Variants in ABLIM2 observed in about 807,000 individuals in gnomAD.
ABLIM2 encodes the protein actin-binding LIM protein 2.
Under a neutral mutation model 97.7 loss-of-function variants are expected in ABLIM2, and 53 were observed. That is an observed-to-expected ratio of 0.54 (90% CI 0.44 to 0.68). The LOEUF is 0.68. Among genes scored for constraint, ABLIM2 ranks in the 30% least tolerant of loss-of-function variants. ABLIM2 has a pLI of 0.00. For synonymous variants in ABLIM2, 361 were observed against 345.8 expected, an observed-to-expected ratio of 1.04 and a Z score of -0.49; for missense variants, 835 against 867.2, an observed-to-expected ratio of 0.96 and a Z score of 0.47.
intron 2 of ABLIM2, among the ~76,000 whole-genome samples, chr4:8,105,580 G>A (rs944025087): frequency 3.2e-4 from 49 of 152,222 alleles, no homozygotes; most frequent in African/African-American, 1.1e-3. Context: ...AAAGCAAACC[G>A]TCAGCGCACT....
chr4:8,132,263 A>C lies in ABLIM2; in HGVS notation c.11-25626T>G, dbSNP rs905051670. Reference sequence around the variant, plus strand: ...CTGACAGCCCAGCGCTGTGGCTGCCACCCATCACGGGGGCATGGATGGGGT... The same window carrying C: ...CTGACAGCCCAGCGCTGTGGCTGCCCCCCATCACGGGGGCATGGATGGGGT... On this transcript the variant is annotated intron_variant, in intron 1 of 20. Transcript: ENST00000447017. This position sits in a 1 kb window ranked among gnomAD's most constrained non-coding sequence, Gnocchi z 8.0. 6.6e-6 allele frequency among the ~76,000 whole-genome samples: 1 copy of C among 151,660 alleles called. No individual in the cohort carries two copies. The highest frequency in any genetic ancestry group is 1.5e-5 in the Non-Finnish European group (1 of 67,916).
At chr4:8,026,384 C>A (rs1047142509) in intron 12 of ABLIM2, among the ~76,000 whole-genome samples, 1 of 152,208 alleles carries the variant, frequency 6.6e-6, no homozygotes. Flanking sequence ...ACGGCCATGT[C>A]CATCAATGGC....
At chr4:8,010,780 T>C (rs999671930) in intron 14 of ABLIM2, 6 of 177,822 alleles carry the variant, frequency 3.4e-5, no homozygotes, top group African/African-American at 4.8e-5. Flanking sequence ...GGGGGACGCA[T>C]GCCCGCAGCT....
intron 15 of ABLIM2, among the ~76,000 whole-genome samples, chr4:8,008,761 A>T (rs143030141): frequency 7.9e-5 from 12 of 152,302 alleles, no homozygotes; most frequent in Admixed American, 2.0e-4. Context: ...AGAATAATGG[A>T]TGCCCCAGGG....
At chr4:8,037,577 A>G (rs2151488806) in intron 9 of ABLIM2, among the ~76,000 whole-genome samples, 1 of 152,118 alleles carries the variant, frequency 6.6e-6, no homozygotes. Flanking sequence ...ACACTGGCAC[A>G]CACCTGCACA....
chr4:8,090,365 G>A (rs949724094), intron 3 of ABLIM2, among the ~76,000 whole-genome samples: 1 of 152,224 alleles, frequency 6.6e-6, no homozygotes, highest in Admixed American at 6.5e-5. Context: ...GTAGGACTGA[G>A]AATGCCTGCA....
chr4:8,078,223 C>T (rs1426844510), intron 5 of ABLIM2, among the ~76,000 whole-genome samples: 2 of 152,256 alleles, frequency 1.3e-5, no homozygotes, highest in African/African-American at 4.8e-5. Flanking sequence ...GCCTGCATCA[C>T]AGCCCCCGAA....
In ABLIM2 at chr4:8,054,144, G is replaced by C; in HGVS notation, c.822+44C>G. ...TCTTAACTGTACAAAGATGGTGCAG[G>C]AGCAGTGAAGGGTACATCAGAGACA... On this transcript the variant is annotated intron_variant, in intron 8 of 20. Coordinates refer to ENST00000447017, the MANE Select transcript of ABLIM2 (RefSeq NM_001130083.2). The surrounding 1 kb of genome is among the most constrained non-coding windows in gnomAD (Gnocchi z 4.9). The C allele has an allele frequency of 6.3e-7, 1 of 1,594,542 alleles. No homozygotes were observed. Among genetic ancestry groups the C allele is most frequent in the Non-Finnish European group, 8.6e-7 (1 of 1,162,226 alleles).
At position 8,143,163 on chromosome 4, in the gene ABLIM2, G is replaced by GC. The variant is rs1050118533; in HGVS notation, c.10+15516_10+15517insG. ...TACTGGGAGCGGGGGCGAGAGTGGG[G>GC]GGGGGGGGCGTCTGCAAATGCATCT... is the stretch of plus-strand genomic sequence containing the variant. On this transcript the variant is annotated intron_variant, in intron 1 of 20. Transcript: ENST00000447017. Among the ~76,000 whole-genome samples the GC allele has an allele frequency of 2.7e-5, 4 of 148,540 alleles. 1 individual carries two copies. The highest frequency in any genetic ancestry group is 6.5e-3 in the Middle Eastern group (2 of 308).
At chr4:8,048,786 C>T (rs1794198921) in intron 8 of ABLIM2, among the ~76,000 whole-genome samples, 2 of 152,184 alleles carry the variant, frequency 1.3e-5, no homozygotes, top group Admixed American at 6.5e-5. Context: ...AACCCACAAC[C>T]TACAGGACCA....
intron 12 of ABLIM2, among the ~76,000 whole-genome samples, chr4:8,025,360 G>A (rs1161830357): frequency 2.0e-5 from 3 of 152,230 alleles, no homozygotes; most frequent in Non-Finnish European, 1.5e-5. Flanking sequence ...TCCTGGCCCC[G>A]GGAGATGCCC....
chr4:7,989,596 C>T (rs1201715635), intron 17 of ABLIM2, among the ~76,000 whole-genome samples: 1 of 152,154 alleles, frequency 6.6e-6, no homozygotes, highest in East Asian at 1.9e-4. Context: ...TTTGATATTA[C>T]TATTGTCACT....
At chr4:8,011,686 C>T (rs1426429451) in intron 14 of ABLIM2, among the ~76,000 whole-genome samples, 1 of 152,240 alleles carries the variant, frequency 6.6e-6, no homozygotes, top group Non-Finnish European at 1.5e-5. Context: ...TCAGGACAAT[C>T]AGAGAAAGAG....
rs1265205989 is a variant in ABLIM2, at chr4:8,033,290, G to C, written c.1047+2859C>G. Among the ~76,000 whole-genome samples, 1 of 152,186 alleles carries C rather than the reference G, an allele frequency of 6.6e-6. No homozygotes were observed. Among genetic ancestry groups the C allele is most frequent in the African/African-American group, 2.4e-5 (1 of 41,458 alleles). On this transcript the variant is annotated intron_variant, in intron 10 of 20. Transcript: ENST00000447017. This position sits in a 1 kb window ranked among gnomAD's most constrained non-coding sequence, Gnocchi z 4.5. The stretch of plus-strand genomic sequence containing the variant: ...GTGAGCAAGCATTGGGAAAGAGAAC[G>C]CCGTTCCCACAGCAGAGCGGGGAGG...
At position 8,036,198 on chromosome 4, in the gene ABLIM2, T is replaced by A. The variant is rs760676768; in HGVS notation, c.998A>T (p.Tyr333Phe). The A allele has an allele frequency of 5.0e-6, 8 of 1,613,710 alleles. No individual in the cohort carries two copies. The highest frequency in any genetic ancestry group is 6.8e-6 in the Non-Finnish European group (8 of 1,179,782). ...YDIDRPDMIS[Y>F]SPYISHSAGD... ...TGCAGAGTGGCTGATGTAGGGTGAGTAGGAGATCATGTCGGGGCGGTCGAT... is the reference window on the plus strand; with the variant it reads ...TGCAGAGTGGCTGATGTAGGGTGAGAAGGAGATCATGTCGGGGCGGTCGAT... The change falls in exon 10 of 21, where the codon TAC becomes TTC. Residue 333 changes from tyrosine (Y) to phenylalanine (F), a missense_variant. Coordinates refer to ENST00000447017, the MANE Select transcript of ABLIM2 (RefSeq NM_001130083.2).
chr4:8,028,870 T>C (rs1362627052), intron 11 of ABLIM2, among the ~76,000 whole-genome samples: 1 of 152,258 alleles, frequency 6.6e-6, no homozygotes. Context: ...TGAATGAGTT[T>C]TGATTTTTCC....
At chr4:7,985,770 C>T (rs933482304) in intron 17 of ABLIM2, among the ~76,000 whole-genome samples, 5 of 152,144 alleles carry the variant, frequency 3.3e-5, no homozygotes, top group African/African-American at 1.2e-4. Flanking sequence ...CTCAGGTGCC[C>T]GTGGCATTCA....
chr4:8,070,007 CTT>C (rs1196326146), intron 6 of ABLIM2, among the ~76,000 whole-genome samples: 2 of 151,100 alleles, frequency 1.3e-5, no homozygotes, highest in African/African-American at 4.9e-5. Flanking sequence ...TCTGTGTGTC[CTT>C]TTGTGTGTTT....
intron 17 of ABLIM2, among the ~76,000 whole-genome samples, chr4:7,989,040 C>A (rs1018550423): frequency 3.6e-5 from 5 of 138,448 alleles, no homozygotes; most frequent in African/African-American, 1.3e-4. Context: ...TTTCTGTGTA[C>A]ATTTAATTTT....
Sources: gnomAD v4.1 joint callset for allele counts (sites outside exome capture counted in the v4.1 genomes callset) on GRCh38, gnomAD v4.1.1 for gene constraint, Gnocchi (gnomAD v3.1) non-coding constraint, MANE v1.5 for transcripts, NCBI Gene and HGNC (gene_info 2026-07-23, HGNC 2026-07-21) for gene names.